The following BAZ1B variants were observed in gnomAD, a reference collection of about 807,000 sequenced individuals.
BAZ1B encodes bromodomain adjacent to zinc finger domain 1B.
In BAZ1B, 22 loss-of-function variants were observed where a neutral mutation model predicts 153.8. The ratio of observed to expected loss-of-function variants is 0.14; its 90% confidence interval spans 0.10 to 0.20. BAZ1B has a LOEUF of 0.20. Ranked by LOEUF, BAZ1B falls within the 10% of genes least tolerant of loss-of-function variation. The pLI is 1.00. For missense variants in BAZ1B, 1,325 were observed against 1,799.3 expected, an observed-to-expected ratio of 0.74 and a Z score of 4.77; for synonymous variants, 676 against 633.4, an observed-to-expected ratio of 1.07 and a Z score of -1.01.
intron 11 of BAZ1B, 57 bp from the exon 12 acceptor site, chr7:73,463,156 C>T: frequency 7.0e-7 from 1 of 1,425,208 alleles, no homozygotes; most frequent in Non-Finnish European, 9.5e-7. Flanking sequence ...AGATGTTCTT[C>T]AAATTTCAAT....
intron 6 of BAZ1B, among the ~76,000 whole-genome samples, chr7:73,479,315 C>A (rs1358196948): frequency 2.6e-5 from 4 of 151,860 alleles, no homozygotes; most frequent in Non-Finnish European, 5.9e-5. Flanking sequence ...TGGAGACCAG[C>A]CTGGCCAACA....
rs1047046206 is a variant in BAZ1B, at chr7:73,498,761, G to C, written c.370-63C>G. 1.2e-5 allele frequency: 17 copies of C among 1,425,306 alleles called. No individual in the cohort carries two copies. In the Admixed American group the frequency reaches 2.6e-4, roughly 22 times the overall value. The allele number at this position is 1,425,306 out of a possible 1,614,324, so 88.3% of individuals were successfully genotyped here. A position where few individuals can be genotyped will look rare whatever the true frequency, so the allele number is the denominator to read the frequency against. On this transcript the variant is annotated intron_variant, in intron 3 of 19. Transcript: ENST00000339594. ...ACACCCAGAAACCTGAAGATGTTTA[G>C]AACATATCATCCAATATACATGCCT...
chr7:73,455,893 A>C (rs924478796), intron 13 of BAZ1B, among the ~76,000 whole-genome samples: 2 of 152,196 alleles, frequency 1.3e-5, no homozygotes, highest in Non-Finnish European at 2.9e-5. Flanking sequence ...GAAACTGAAG[A>C]CTGTTGTGCA....
At position 73,450,949 on chromosome 7, in the gene BAZ1B, G is replaced by C; in HGVS notation, c.3478C>G (p.Gln1160Glu). ...AGCACGTGCATCCTGGAGAAAGTCT[G>C]AGCTTCCCGGATTGCTGTCTTCCAT... ...EKWKTAIREA[Q>E]TFSRMHVLLG... Residue 1160 changes from glutamine (Q) to glutamate (E), a missense_variant, in exon 14 of 20, where the codon CAG (glutamine) becomes GAG (glutamate). Transcript: ENST00000339594. The surrounding 1 kb of genome is among the most constrained non-coding windows in gnomAD (Gnocchi z 4.1). The C allele has an allele frequency of 6.2e-7, 1 of 1,614,136 alleles. No homozygotes were observed. Among genetic ancestry groups the C allele is most frequent in the Non-Finnish European group, 8.5e-7 (1 of 1,180,044 alleles).
chr7:73,471,895 G>A (rs1788819284), intron 7 of BAZ1B, among the ~76,000 whole-genome samples: 1 of 149,850 alleles, frequency 6.7e-6, no homozygotes, highest in African/African-American at 2.4e-5. Context: ...AAGCGAGAGA[G>A]TGAGTGATGG....
Position 73,478,467 on chromosome 7 carries a change from G to T in BAZ1B, c.994C>A (p.Leu332Ile). ...ACGTGACACCATAACTTAGGATTTA[G>T]TGGTGAACTAAGAGAAGAGTTGTCT... ...KTDNSSLSSP[L>I]NPKLWCHVHL... Residue 332 changes from leucine (L) to isoleucine (I), a missense_variant, in exon 7 of 20, where the codon CTA becomes ATA. By Grantham distance (5) the Leu-to-Ile change is conservative. This residue lies in a region of BAZ1B where 219 missense variants were observed against 248.2 expected (regional missense o/e 0.88). Coordinates refer to ENST00000339594, the MANE Select transcript of BAZ1B (RefSeq NM_032408.4). 1 of 1,611,596 alleles carries T rather than the reference G, an allele frequency of 6.2e-7. No individual in the cohort carries two copies. Among genetic ancestry groups the T allele is most frequent in the African/African-American group, 1.3e-5 (1 of 74,866 alleles).
chr7:73,466,926 T>G (rs1426311457), intron 9 of BAZ1B, among the ~76,000 whole-genome samples: 1 of 152,164 alleles, frequency 6.6e-6, no homozygotes, highest in Non-Finnish European at 1.5e-5. Flanking sequence ...ATTTGGTTTT[T>G]TGTTTTGTTT....
At chr7:73,498,367 T>G in intron 4 of BAZ1B, 130 bp downstream of exon 4, 1 of 849,326 alleles carries the variant, frequency 1.2e-6, no homozygotes, top group African/African-American at 1.7e-5. Flanking sequence ...GTTCTATGAA[T>G]CATAAATGAA....
In BAZ1B at chr7:73,448,673, G is replaced by A. The variant is rs117847466; in HGVS notation, c.3728+869C>T. On this transcript the variant is annotated intron_variant, in intron 15 of 19. Coordinates refer to ENST00000339594, the MANE Select transcript of BAZ1B (RefSeq NM_032408.4). ...GGGCAGTTTACCCACTGGGAATTCT[G>A]GGCAGAGAATGTTCCCAGCTGGGAG... Among the ~76,000 whole-genome samples, 192 of 152,312 alleles carry A rather than the reference G, an allele frequency of 1.3e-3. 4 individuals carry two copies. In the East Asian group the frequency reaches 0.034, roughly 27 times the overall value.
rs747746193 is a variant in BAZ1B, at chr7:73,493,630, C to G, written c.572-709G>C. On this transcript the variant is annotated intron_variant, in intron 4 of 19. Coordinates refer to ENST00000339594, the MANE Select transcript of BAZ1B (RefSeq NM_032408.4). Reference sequence around the variant, plus strand: ...CCAAGGCAGGCAGATCCCCTGAGTCCAGGAGTTCGAGACCAGCCTGGGCAA... The same window carrying G: ...CCAAGGCAGGCAGATCCCCTGAGTCGAGGAGTTCGAGACCAGCCTGGGCAA... Among the ~76,000 whole-genome samples the G allele has an allele frequency of 3.8e-4, 57 of 151,834 alleles. 1 individual carries two copies. The highest frequency in any genetic ancestry group is 1.7e-3 in the South Asian group (8 of 4,796).
chr7:73,443,040 G>A (rs1416464113), intron 17 of BAZ1B, among the ~76,000 whole-genome samples: 1 of 152,186 alleles, frequency 6.6e-6, no homozygotes, highest in Non-Finnish European at 1.5e-5. Context: ...CGCCTCCCCC[G>A]GGGCCACGGC....
At chr7:73,510,000 G>A (rs984191422) in intron 2 of BAZ1B, among the ~76,000 whole-genome samples, 2 of 151,062 alleles carry the variant, frequency 1.3e-5, no homozygotes, top group South Asian at 2.1e-4. Flanking sequence ...GGTGGTGAGC[G>A]CCTGTAGACC....
chr7:73,492,509 A>G (rs1045159782), intron 5 of BAZ1B, among the ~76,000 whole-genome samples: 4 of 152,200 alleles, frequency 2.6e-5, no homozygotes, highest in East Asian at 1.9e-4. Flanking sequence ...TGGAAAGTCC[A>G]TAACTGCTGG....
intron 13 of BAZ1B, among the ~76,000 whole-genome samples, chr7:73,458,147 T>C (rs1788269521): frequency 6.6e-6 from 1 of 152,140 alleles, no homozygotes; most frequent in African/African-American, 2.4e-5. Context: ...AATAGTCTCG[T>C]GGGACAGAGC....
intron 16 of BAZ1B, 137 bp from the exon 17 acceptor site, chr7:73,444,266 C>T (rs1554565801): frequency 4.9e-6 from 5 of 1,011,868 alleles, no homozygotes; most frequent in African/African-American, 3.3e-5. Flanking sequence ...TTTTAAGGTG[C>T]TCTTGCTATT....
chr7:73,442,609 C>T (rs563541430), intron 18 of BAZ1B, 56 bp from the exon 19 acceptor site: 6 of 1,560,322 alleles, frequency 3.8e-6, no homozygotes, highest in Non-Finnish European at 5.2e-6. Context: ...GTGCCCCTGC[C>T]ACTGAGACAC....
At chr7:73,512,136 T>C (rs1300084383) in intron 1 of BAZ1B, among the ~76,000 whole-genome samples, 1 of 150,404 alleles carries the variant, frequency 6.6e-6, no homozygotes, top group Admixed American at 6.6e-5. Context: ...CATACATTAA[T>C]GATCCATTTA....
At chr7:73,497,609 C>T (rs949225728) in intron 4 of BAZ1B, among the ~76,000 whole-genome samples, 2 of 151,660 alleles carry the variant, frequency 1.3e-5, no homozygotes, top group East Asian at 1.9e-4. Context: ...TTACTCAGTT[C>T]GTCTCTGAGT....
At chr7:73,445,175 C>A (rs1377075024) in intron 16 of BAZ1B, among the ~76,000 whole-genome samples, 1 of 152,180 alleles carries the variant, frequency 6.6e-6, no homozygotes, top group Non-Finnish European at 1.5e-5. Flanking sequence ...CCACCACCTT[C>A]CCTTGGGGAG....
Sources: gnomAD v4.1 joint callset for allele counts (sites outside exome capture counted in the v4.1 genomes callset) on GRCh38, gnomAD v4.1.1 for gene constraint, gnomAD v4.1.1 regional missense constraint, Gnocchi (gnomAD v3.1) non-coding constraint, MANE v1.5 for transcripts, NCBI Gene and HGNC (gene_info 2026-07-23, HGNC 2026-07-21) for gene names.